Variants in MCF2L observed in about 807,000 individuals in gnomAD.
MCF2L encodes guanine nucleotide exchange factor DBS.
In MCF2L, 97 loss-of-function variants were observed where a neutral mutation model predicts 153.4. The observed-to-expected ratio is 0.63, with a 90% confidence interval of 0.54 to 0.75. MCF2L has a LOEUF of 0.75. Among genes scored for constraint, MCF2L ranks in the 30% least tolerant of loss-of-function variants. The pLI, the probability that MCF2L is intolerant of heterozygous loss-of-function variation, is 0.00. For missense variants in MCF2L, 1,347 were observed against 1,495.2 expected, an observed-to-expected ratio of 0.90 and a Z score of 1.64; for synonymous variants, 659 against 632.2, an observed-to-expected ratio of 1.04 and a Z score of -0.64.
intron 1 of MCF2L, chr13:113,001,699 T>C (rs1319733918): frequency 1.5e-6 from 2 of 1,356,526 alleles, no homozygotes; most frequent in South Asian, 1.9e-5. Flanking sequence ...AGTGAGCCGA[T>C]GCTGCTCCTT....
intron 1 of MCF2L, among the ~76,000 whole-genome samples, chr13:112,982,237 C>G (rs1487992163): frequency 2.6e-5 from 4 of 152,138 alleles, no homozygotes; most frequent in African/African-American, 4.8e-5. Context: ...GTGCCCACCT[C>G]GTGAAGGGGA....
At chr13:113,008,956 G>GACGGC (rs1300787479) in intron 1 of MCF2L, 2 of 143,104 alleles carry the variant, frequency 1.4e-5, no homozygotes, top group Non-Finnish European at 3.0e-5. Context: ...CAGCTCTGGA[G>GACGGC]ACGGCCCCCA....
chr13:113,044,517 C>A, intron 3 of MCF2L: 1 of 986,630 alleles, frequency 1.0e-6, no homozygotes, highest in Non-Finnish European at 1.5e-6. Context: ...CGATTCTAGC[C>A]CCTGCCTTAG....
chr13:112,894,380 C>G (rs2081044871), exon 1 of MCF2L: 1 of 150,876 alleles, frequency 6.6e-6, no homozygotes, highest in Non-Finnish European at 1.5e-5. Context: ...GCGCGGACAC[C>G]TGCGGGGCGC....
Position 113,084,064 on chromosome 13 carries a change from G to A in MCF2L, c.2058G>A (p.Glu686=). ...CPELVGRCFL[E]RMEDFQIYEK... ...AACTGGTTGGAAGATGCTTTCTGGA[G>A]AGGGTAGGTGGTGTTTTGACGTGTA... Residue 686 remains glutamate (E), a synonymous_variant, in exon 18 of 30, where the codon GAG becomes GAA. Transcript: ENST00000535094. The A allele has an allele frequency of 1.2e-6, 2 of 1,613,600 alleles. No individual in the cohort carries two copies. The highest frequency in any genetic ancestry group is 1.7e-6 in the Non-Finnish European group (2 of 1,179,524).
intron 3 of MCF2L, among the ~76,000 whole-genome samples, chr13:113,029,140 G>T (rs940524629): frequency 2.6e-5 from 4 of 152,172 alleles, no homozygotes; most frequent in African/African-American, 7.2e-5. Flanking sequence ...TGTGAATTTG[G>T]GAGGACGCCC....
chr13:113,078,593 G>A (rs2033768642), intron 14 of MCF2L, 73 bp from the exon 15 acceptor site: 1 of 1,463,166 alleles, frequency 6.8e-7, no homozygotes. Context: ...GGGAACTGGT[G>A]GGCTCTGGCC....
intron 2 of MCF2L, among the ~76,000 whole-genome samples, chr13:112,949,071 A>G (rs1030542710): frequency 1.3e-5 from 2 of 152,262 alleles, no homozygotes; most frequent in Non-Finnish European, 2.9e-5. Flanking sequence ...AGGTATCACT[A>G]CAGACTCTGC....
At chr13:112,999,753 G>GTC (rs1272826033) in intron 1 of MCF2L, among the ~76,000 whole-genome samples, 2 of 152,352 alleles carry the variant, frequency 1.3e-5, no homozygotes, top group South Asian at 2.1e-4. Flanking sequence ...GTTGGACTGT[G>GTC]CTCAGCTGTG....
chr13:113,077,191 A>G lies in MCF2L; in HGVS notation c.1640A>G (p.Lys547Arg). The G allele has an allele frequency of 6.3e-7, 1 of 1,594,712 alleles. No homozygotes were observed. Among genetic ancestry groups the G allele is most frequent in the South Asian group, 1.1e-5 (1 of 88,908 alleles). The change falls in exon 13 of 30, where the codon AAG becomes AGG. Residue 547 changes from lysine (K) to arginine (R), a missense_variant. Transcript: ENST00000535094. ...GCCCCCAGACCCGAGGCACTGGCAA[A>G]GTCGCCCTGCCCCTCCCCAGGTCTG... ...PVAPRPEALA[K>R]SPCPSPGIRR...
intron 1 of MCF2L, among the ~76,000 whole-genome samples, chr13:112,976,166 GTGTGTGTGTA>G (rs2082206063): frequency 1.4e-5 from 2 of 147,276 alleles, no homozygotes; most frequent in African/African-American, 5.0e-5. Context: ...TTGCTTGTTT[GTGTGTGTGTA>G]TGTGTGTGTG....
chr13:112,964,016 T>G (rs1195541424), intron 2 of MCF2L, among the ~76,000 whole-genome samples: 2 of 151,954 alleles, frequency 1.3e-5, no homozygotes, highest in African/African-American at 4.8e-5. Flanking sequence ...TCTGACACAT[T>G]CGATGTAACT....
At chr13:112,920,518 G>A (rs1194903596) in intron 2 of MCF2L, among the ~76,000 whole-genome samples, 1 of 152,160 alleles carries the variant, frequency 6.6e-6, no homozygotes, top group Non-Finnish European at 1.5e-5. Context: ...CTAGATGCCT[G>A]TGGATGGCCG....
At chr13:113,051,587 C>T (rs987833228) in intron 4 of MCF2L, among the ~76,000 whole-genome samples, 1 of 151,306 alleles carries the variant, frequency 6.6e-6, no homozygotes, top group African/African-American at 2.4e-5. Flanking sequence ...GGTCCAATAA[C>T]GGGCGGCACG....
At chr13:112,902,233 A>C in exon 2 of MCF2L, 1 of 1,612,878 alleles carries the variant, frequency 6.2e-7, no homozygotes. Flanking sequence ...TATCCTGTGC[A>C]AGAGACCTGG....
intron 2 of MCF2L, among the ~76,000 whole-genome samples, chr13:112,908,732 G>GTTTTT (rs139495654): frequency 6.7e-6 from 1 of 148,684 alleles, no homozygotes; most frequent in Non-Finnish European, 1.5e-5. Flanking sequence ...TTTTGTTTTG[G>GTTTTT]TTTTTTTTTG....
intron 27 of MCF2L, 139 bp from the exon 28 acceptor site, chr13:113,096,232 A>G: frequency 1.5e-6 from 1 of 670,934 alleles, no homozygotes; most frequent in Non-Finnish European, 2.6e-6. Flanking sequence ...CCAAGGCTGG[A>G]GCCCTTCCCC....
At chr13:113,033,237 G>A (rs370621195) in intron 3 of MCF2L, among the ~76,000 whole-genome samples, 1 of 87,506 alleles carries the variant, frequency 1.1e-5, no homozygotes, top group East Asian at 5.9e-4. Flanking sequence ...CCCGTGACGT[G>A]AGTGGCCCCC....
chr13:113,070,254 G>A lies in MCF2L; in HGVS notation c.996+81G>A. On this transcript the variant is annotated intron_variant, in intron 9 of 29. Transcript: ENST00000535094. The surrounding 1 kb of genome is among the most constrained non-coding windows in gnomAD (Gnocchi z 5.6). ...GCCTGCGCCCTGGTCCCAGTGCCGG[G>A]AGCTGAGCCGTGCCACCCAGTTGAC... The A allele has an allele frequency of 2.1e-6, 2 of 938,942 alleles. No homozygotes were observed. The highest frequency in any genetic ancestry group is 3.1e-5 in the East Asian group (1 of 32,448). The allele number at this position is 938,942 out of a possible 1,614,324, so 58.2% of individuals were successfully genotyped here. A position where few individuals can be genotyped will look rare whatever the true frequency, so the allele number is the denominator to read the frequency against.
Sources: gnomAD v4.1 joint callset for allele counts (sites outside exome capture counted in the v4.1 genomes callset) on GRCh38, gnomAD v4.1.1 for gene constraint, Gnocchi (gnomAD v3.1) non-coding constraint, MANE v1.5 for transcripts, NCBI Gene and HGNC (gene_info 2026-07-23, HGNC 2026-07-21) for gene names.